TREH: variants seen among roughly 807,000 people sequenced by gnomAD.
TREH encodes the protein trehalase, also known as alpha,alpha-trehalose glucohydrolase.
In TREH, 69 loss-of-function variants were observed where a neutral mutation model predicts 80.5. The observed-to-expected ratio is 0.86, with a 90% CI of 0.71 to 1.05. The LOEUF (loss-of-function observed/expected upper bound fraction) is 1.05. Among genes scored for constraint, TREH ranks in the 50% least tolerant of loss-of-function variants. The pLI is 0.00. For synonymous variants in TREH, 309 were observed against 293.5 expected (o/e 1.05, Z -0.54); for missense variants, 716 against 718.8 (o/e 1.00, Z 0.04).
intron 1 of TREH, among the ~76,000 whole-genome samples, chr11:118,679,168 A>G (rs1234422411): frequency 6.6e-6 from 1 of 152,020 alleles, no homozygotes; most frequent in Non-Finnish European, 1.5e-5. Context: ...ACGGTGGAAA[A>G]TTTTGGTAAA....
At position 118,658,703 on chromosome 11, in the gene TREH, C is replaced by G. The variant is rs782641610; in HGVS notation, c.1576G>C (p.Gly526Arg). The stretch of plus-strand genomic sequence containing the variant: ...ACCTGAACTTCATATTCTCCTCCCC[C>G]ACCGGGCTGTCCACCGTTGCTGACG... ...YDVSNGGQPG[G>R]GGEYEVQEGF... Residue 526 changes from glycine to arginine, a missense_variant, in exon 14 of 15, where the codon GGG becomes CGG. Transcript: ENST00000264029. 1.1e-5 allele frequency: 18 copies of G among 1,601,106 alleles called. 1 individual carries two copies. The South Asian group carries it at 2.0e-4, about 18-fold the overall frequency.
In TREH at chr11:118,674,820, G is replaced by T. The variant is rs762407059; in HGVS notation, c.89+4719C>A. Among the ~76,000 whole-genome samples, 3 of 152,152 alleles carry T rather than the reference G, an allele frequency of 2.0e-5. No homozygotes were observed. Among genetic ancestry groups the T allele is most frequent in the Non-Finnish European group, 4.4e-5 (3 of 68,038 alleles). On this transcript the variant is annotated intron_variant, in intron 1 of 14. Coordinates refer to ENST00000264029, the MANE Select transcript of TREH (RefSeq NM_007180.3). This position sits in a 1 kb window ranked among gnomAD's most constrained non-coding sequence, Gnocchi z 4.4. ...GCCTCCCAAAGTGCTGGGATTACAG[G>T]CGTGAGCCACTGCACCTGGCTGCAT...
At chr11:118,660,081 C>T (rs936251265) in intron 10 of TREH, 117 bp from the exon 11 acceptor site, 2 of 970,570 alleles carry the variant, frequency 2.1e-6, no homozygotes, top group East Asian at 5.2e-5. Flanking sequence ...GCTGAGACAC[C>T]CTGATGACCA....
At position 118,663,404 on chromosome 11, in the gene TREH, A is replaced by C. The variant is rs200713103; in HGVS notation, c.125T>G (p.Val42Gly). 6.3e-7 allele frequency: 1 copy of C among 1,595,176 alleles called. No individual in the cohort carries two copies. The highest frequency in any genetic ancestry group is 8.5e-7 in the Non-Finnish European group (1 of 1,170,816). ...IYCHGELLNQ[V>G]QMAKLYQDDK... ...ATCCTGGTAGAGCTTGGCCATTTGA[A>C]CTTGGTTTAGGAGCTCCCCGTGGCA... Residue 42 changes from valine to glycine, a missense_variant, in exon 2 of 15, where the codon GTT becomes GGT. Transcript: ENST00000264029.
In TREH at chr11:118,658,287, T is replaced by TGTCACC. The variant is rs782692222; in HGVS notation, c.1748_*1dup. The TGTCACC allele has an allele frequency of 3.2e-5, 50 of 1,583,944 alleles. No homozygotes were observed. The Admixed American group carries it at 9.2e-4, about 29-fold the overall frequency. On this transcript the variant is annotated 3_prime_UTR_variant, in exon 15 of 15. Transcript: ENST00000264029. ...TGGGGCCAGGTGAGGAGAGGAGGGC[T>TGTCACC]GTCACCATGGCAGGAGGCTGAGCAG...
rs1949513579 is a variant in TREH, at chr11:118,679,536, T to C, written c.89+3A>G. On this transcript the variant is annotated splice_donor_region_variant and intron_variant, in intron 1 of 14. Transcript: ENST00000264029. ...TCCCCTGCTGCCTTCCCCACACCCC[T>C]ACCTCTCACAGGGTGGGGGTAGGGC... 3 of 1,498,070 alleles carry C rather than the reference T, an allele frequency of 2.0e-6. No individual in the cohort carries two copies. Among genetic ancestry groups the C allele is most frequent in the Middle Eastern group, 1.7e-4 (1 of 5,760 alleles). 92.8% of individuals were successfully genotyped at this position (1,498,070 alleles called of 1,614,324 possible).
rs1555144861 is a variant in TREH at position 118,661,143 on chromosome 11, G to A, written c.857+17C>T. 1 of 1,613,686 alleles carries A rather than the reference G, an allele frequency of 6.2e-7. No individual in the cohort carries two copies. The highest frequency in any genetic ancestry group is 8.5e-7 in the Non-Finnish European group (1 of 1,179,838). Reference sequence around the variant, plus strand: ...GAGCAGGTAAGAGATTGAGGGGTGGGCTGCCCAGTTCCTCACCTGGGTCCC... The same window carrying A: ...GAGCAGGTAAGAGATTGAGGGGTGGACTGCCCAGTTCCTCACCTGGGTCCC... On this transcript the variant is annotated intron_variant, in intron 8 of 14. Transcript: ENST00000264029. The surrounding 1 kb of genome is among the most constrained non-coding windows in gnomAD (Gnocchi z 4.2).
chr11:118,659,560 A>C, intron 11 of TREH, 79 bp from the exon 12 acceptor site: 1 of 1,394,218 alleles, frequency 7.2e-7, no homozygotes, highest in Non-Finnish European at 9.6e-7. Flanking sequence ...CCCCGCGGGA[A>C]GCCAGACGTC....
chr11:118,663,209 C>T lies in TREH; in HGVS notation c.191-13G>A. The T allele has an allele frequency of 6.3e-7, 1 of 1,594,602 alleles. No individual in the cohort carries two copies. Among genetic ancestry groups the T allele is most frequent in the Non-Finnish European group, 8.5e-7 (1 of 1,170,512 alleles). ...TGCAGGACTTGTTCTGGAGAGCAGG[C>T]AGCAGGGAGGGGTCAGCAGGGTGTC... is the stretch of plus-strand genomic sequence containing the variant. On this transcript the variant is annotated splice_polypyrimidine_tract_variant and intron_variant, in intron 2 of 14. Transcript: ENST00000264029.
chr11:118,668,426 C>A (rs56137999), intron 1 of TREH, among the ~76,000 whole-genome samples: 1 of 151,506 alleles, frequency 6.6e-6, no homozygotes, highest in South Asian at 2.1e-4. Context: ...AAAAAATTAG[C>A]TGGGCGTGGT....
At chr11:118,673,968 C>G (rs2137285789) in intron 1 of TREH, among the ~76,000 whole-genome samples, 1 of 152,312 alleles carries the variant, frequency 6.6e-6, no homozygotes, top group South Asian at 2.1e-4. Flanking sequence ...AATCTAACAA[C>G]TCTTTGAGTG....
chr11:118,667,006 C>T (rs903436073), intron 1 of TREH, among the ~76,000 whole-genome samples: 1 of 152,050 alleles, frequency 6.6e-6, no homozygotes, highest in Admixed American at 6.6e-5. Context: ...CCTCAGCCTC[C>T]CGAGTAGCTG....
rs782411016 is a variant in TREH, at chr11:118,660,549, A to G, written c.1092T>C (p.Tyr364=). The change falls in exon 10 of 15, where the codon TAT becomes TAC. Residue 364 remains tyrosine (Y), a synonymous_variant. Coordinates refer to ENST00000264029, the MANE Select transcript of TREH (RefSeq NM_007180.3). ...CQAEELMSNF[Y]SRLGNDSQAT... ...TACTGGGGTGCTCACCCAGCCTGGAATAGAAGTTGCTCATCAGCTCCTCTG... is the reference window on the plus strand; with the variant it reads ...TACTGGGGTGCTCACCCAGCCTGGAGTAGAAGTTGCTCATCAGCTCCTCTG... 10 of 1,604,610 alleles carry G rather than the reference A, an allele frequency of 6.2e-6. No individual in the cohort carries two copies. In the East Asian group the frequency reaches 1.1e-4, roughly 18 times the overall value.
Position 118,657,844 on chromosome 11 carries a change from GATGGAA to G in TREH, c.*439_*444del, listed in dbSNP as rs1478463538. 3.0e-5 allele frequency: 5 copies of G among 165,738 alleles called. No individual in the cohort carries two copies. The highest frequency in any genetic ancestry group is 4.8e-5 in the African/African-American group (2 of 41,840). 10.3% of individuals were successfully genotyped at this position (165,738 alleles called of 1,614,324 possible). On this transcript the variant is annotated 3_prime_UTR_variant, in exon 15 of 15. Coordinates refer to ENST00000264029, the MANE Select transcript of TREH (RefSeq NM_007180.3). Reference sequence around the variant, plus strand: ...GCCCTTCCTTCAGCCTCCGAAGGGTGATGGAAATGGAGAGTGGAGGACCAGGCCTCC... The same window carrying G: ...GCCCTTCCTTCAGCCTCCGAAGGGTGATGGAGAGTGGAGGACCAGGCCTCC...
Position 118,663,175 on chromosome 11 carries a change from G to T in TREH, c.212C>A (p.Thr71Asn), listed in dbSNP as rs782821030. The T allele has an allele frequency of 6.2e-7, 1 of 1,612,274 alleles. No individual in the cohort carries two copies. The highest frequency in any genetic ancestry group is 8.5e-7 in the Non-Finnish European group (1 of 1,179,138). The change falls in exon 3 of 15, where the codon ACT becomes AAT. Residue 71 changes from threonine (T) to asparagine (N), a missense_variant. Thr to Asn is a moderately conservative substitution (Grantham distance 65, BLOSUM62 0). Transcript: ENST00000264029. ...GTGATTGTGGTCCCTGGACAGCTCA[G>T]TGAAGGTCTGCAGGACTTGTTCTGG... The part of the protein sequence containing the change: ...IAPEQVLQTF[T>N]ELSRDHNHSI...
intron 1 of TREH, among the ~76,000 whole-genome samples, chr11:118,677,808 G>C (rs1227429240): frequency 1.3e-5 from 2 of 152,142 alleles, no homozygotes; most frequent in Admixed American, 1.3e-4. Flanking sequence ...TGGTCTTAGG[G>C]AACACCAGTA....
rs782703477 is a variant in TREH at position 118,658,730 on chromosome 11, C to T, written c.1549G>A (p.Asp517Asn). 1.3e-5 allele frequency: 21 copies of T among 1,607,172 alleles called. No individual in the cohort carries two copies. The highest frequency in any genetic ancestry group is 1.8e-5 in the Non-Finnish European group (21 of 1,176,742). The change falls in exon 14 of 15, where the codon GAC (aspartate) becomes AAC (asparagine). Residue 517 changes from aspartate to asparagine, a missense_variant. Asp to Asn is a conservative substitution (Grantham distance 23). Transcript: ENST00000264029. Reference sequence around the variant, plus strand: ...CCGGGCTGTCCACCGTTGCTGACGTCATACTGGGGACAAGCGGGTGGGCTG... The same window carrying T: ...CCGGGCTGTCCACCGTTGCTGACGTTATACTGGGGACAAGCGGGTGGGCTG... ...SQKSAMYEKY[D>N]VSNGGQPGGG...
rs782349165 is a variant in TREH, at chr11:118,659,402, G to A, written c.1400C>T (p.Ala467Val). The A allele has an allele frequency of 6.2e-7, 1 of 1,602,142 alleles. No individual in the cohort carries two copies. The highest frequency in any genetic ancestry group is 8.5e-7 in the Non-Finnish European group (1 of 1,173,874). ...GACCAGGTCCTGCAGGGGGGCCCAG[G>A]CATTGGGGAAATCCCACTGCTGGCC... ...KTGQQWDFPNAWAPLQDLVIR... is the reference protein window; with the variant it reads ...KTGQQWDFPNVWAPLQDLVIR... The change falls in exon 12 of 15, where the codon GCC (alanine) becomes GTC (valine). Residue 467 changes from alanine to valine, a missense_variant. Transcript: ENST00000264029.
At position 118,658,280 on chromosome 11, in the gene TREH, G is replaced by C. The variant is rs1555143624; in HGVS notation, c.*9C>G. 6.3e-7 allele frequency: 1 copy of C among 1,581,206 alleles called. No individual in the cohort carries two copies. The highest frequency in any genetic ancestry group is 1.8e-5 in the Admixed American group (1 of 54,258). On this transcript the variant is annotated 3_prime_UTR_variant, in exon 15 of 15. Transcript: ENST00000264029. ...CAGGAGCTGGGGCCAGGTGAGGAGA[G>C]GAGGGCTGTCACCATGGCAGGAGGC... is the stretch of plus-strand genomic sequence containing the variant.
Sources: gnomAD v4.1 joint callset for allele counts (sites outside exome capture counted in the v4.1 genomes callset) on GRCh38, gnomAD v4.1.1 for gene constraint, Gnocchi (gnomAD v3.1) non-coding constraint, MANE v1.5 for transcripts, NCBI Gene and HGNC (gene_info 2026-07-23, HGNC 2026-07-21) for gene names.